The following HYCC2 variants were observed in gnomAD, a reference collection of about 807,000 sequenced individuals.
The protein encoded by HYCC2 is hyccin 2.
the HYCC2 span, chr2:201,022,074 C>T: frequency 3.1e-6 from 4 of 1,289,652 alleles, no homozygotes; most frequent in South Asian, 1.2e-5. Context: ...CTTCTTCAAA[C>T]TCACTCCAGT....
At chr2:201,051,578 C>A in the HYCC2 span, among the ~76,000 whole-genome samples, 2 of 152,032 alleles carry the variant, frequency 1.3e-5, no homozygotes, top group African/African-American at 2.4e-5. Flanking sequence ...ATGCATCTTA[C>A]AACAGCATTA....
At chr2:201,041,759 T>C in the HYCC2 span, among the ~76,000 whole-genome samples, 3 of 152,212 alleles carry the variant, frequency 2.0e-5, no homozygotes, top group Non-Finnish European at 4.4e-5. Flanking sequence ...CTATGATTTC[T>C]GGATGTAAGA....
At chr2:201,060,558 A>C in the HYCC2 span, among the ~76,000 whole-genome samples, 1 of 152,234 alleles carries the variant, frequency 6.6e-6, no homozygotes, top group African/African-American at 2.4e-5. Context: ...ACACATGCTA[A>C]AGATGGCGAA....
At chr2:201,003,432 TGA>T in the HYCC2 span, among the ~76,000 whole-genome samples, 2 of 152,076 alleles carry the variant, frequency 1.3e-5, no homozygotes, top group African/African-American at 4.8e-5. Context: ...TGCAGTGAGC[TGA>T]GATCGCACCA....
chr2:201,021,725 G>C, the HYCC2 span: 1 of 205,832 alleles, frequency 4.9e-6, no homozygotes, highest in African/African-American at 2.3e-5. Flanking sequence ...ATTTTAATAA[G>C]CAAAGCTTAA....
chr2:201,056,599 G>A, the HYCC2 span, among the ~76,000 whole-genome samples: 146 of 151,866 alleles, frequency 9.6e-4, no homozygotes, highest in Non-Finnish European at 1.6e-3. Context: ...GCTTGAACCC[G>A]GGAGGCGGAG....
the HYCC2 span, among the ~76,000 whole-genome samples, chr2:201,038,456 C>T: frequency 1.4e-4 from 21 of 152,198 alleles, no homozygotes; most frequent in East Asian, 1.4e-3. Flanking sequence ...ATGTTTACTG[C>T]GGCACTATTC....
the HYCC2 span, among the ~76,000 whole-genome samples, chr2:201,027,264 G>A: frequency 1.3e-5 from 2 of 152,134 alleles, no homozygotes; most frequent in African/African-American, 2.4e-5. Context: ...ACTAAACCAG[G>A]AAGAAGTTGA....
the HYCC2 span, chr2:201,022,939 G>T: frequency 5.6e-6 from 9 of 1,593,284 alleles, no homozygotes; most frequent in Non-Finnish European, 7.7e-6. Flanking sequence ...ATGCCTAAAA[G>T]AAACCACCAA....
chr2:201,069,579 C>CACAA, the HYCC2 span, among the ~76,000 whole-genome samples: 3,066 of 142,448 alleles, frequency 0.022, 141 homozygotes, highest in African/African-American at 0.08. Flanking sequence ...CACACACACA[C>CACAA]ACACACACAC....
the HYCC2 span, among the ~76,000 whole-genome samples, chr2:201,010,324 A>G: frequency 6.6e-6 from 1 of 152,204 alleles, no homozygotes; most frequent in Non-Finnish European, 1.5e-5. Context: ...AAGAGCTATG[A>G]GATGGTCAGG....
the HYCC2 span, among the ~76,000 whole-genome samples, chr2:201,037,361 T>C: frequency 2.6e-5 from 4 of 152,296 alleles, no homozygotes; most frequent in East Asian, 7.7e-4. Flanking sequence ...AAGCTACCAA[T>C]GACCTTCTTC....
the HYCC2 span, among the ~76,000 whole-genome samples, chr2:201,050,213 CAA>C: frequency 8.1e-5 from 10 of 123,070 alleles, no homozygotes; most frequent in Admixed American, 1.7e-4. Flanking sequence ...CACCCTGTCT[CAA>C]AAAAAAAAAA....
At chr2:201,000,053 G>A in the HYCC2 span, among the ~76,000 whole-genome samples, 2 of 104,458 alleles carry the variant, frequency 1.9e-5, no homozygotes, top group African/African-American at 4.3e-5. Context: ...GCAAGACTCC[G>A]TCTCAAAAAA....
chr2:201,006,209 C>G, the HYCC2 span, among the ~76,000 whole-genome samples: 1 of 150,590 alleles, frequency 6.6e-6, no homozygotes. Flanking sequence ...CTCACTGCAA[C>G]CTCTGCCTCC....
chr2:200,982,630 G>A, the HYCC2 span, among the ~76,000 whole-genome samples: 1 of 152,026 alleles, frequency 6.6e-6, no homozygotes, highest in Admixed American at 6.6e-5. Context: ...GGTATGTTTT[G>A]ATAATATTTT....
chr2:200,995,973 C>T, the HYCC2 span: 1 of 151,754 alleles, frequency 6.6e-6, no homozygotes, highest in East Asian at 1.9e-4. Context: ...ACTTCTGTGC[C>T]TCTAAACATC....
the HYCC2 span, among the ~76,000 whole-genome samples, chr2:201,059,582 C>A: frequency 6.6e-6 from 1 of 152,152 alleles, no homozygotes; most frequent in Non-Finnish European, 1.5e-5. Flanking sequence ...TTTCCTTTCC[C>A]CTCACAGAGC....
At chr2:201,067,125 G>A in the HYCC2 span, 5 of 238,520 alleles carry the variant, frequency 2.1e-5, no homozygotes, top group East Asian at 4.1e-4. Context: ...AAGAGAAGAA[G>A]GCTTATGTTT....
Sources: gnomAD v4.1 joint callset for allele counts (sites outside exome capture counted in the v4.1 genomes callset) on GRCh38, gnomAD v4.1.1 for gene constraint, MANE v1.5 for transcripts, NCBI Gene and HGNC (gene_info 2026-07-23, HGNC 2026-07-21) for gene names.